Variants in MYPN observed in about 807,000 individuals in gnomAD.
The protein encoded by MYPN is sarcomeric protein myopalladin, 145 kDa (MYOP).
A neutral mutation model predicts 129.4 loss-of-function variants in MYPN; 63 were observed. The observed-to-expected ratio is 0.49, with a 90% confidence interval of 0.40 to 0.60. The LOEUF is 0.60. Ranked by LOEUF, MYPN falls within the 20% of genes least tolerant of loss-of-function variation. The probability of loss-of-function intolerance (pLI) is 0.00; values close to 1 mark genes in which losing one functional copy is unlikely to be tolerated. For synonymous variants in MYPN, 629 were observed against 600.9 expected (o/e 1.05, Z -0.68); for missense variants, 1,596 against 1,635.4 (o/e 0.98, Z 0.42).
intron 1 of MYPN, among the ~76,000 whole-genome samples, chr10:68,089,204 G>C (rs1057368297): frequency 3.3e-5 from 5 of 152,048 alleles, no homozygotes; most frequent in African/African-American, 1.2e-4. Context: ...GCTAATTTTT[G>C]TATTTTTAGT....
At chr10:68,124,102 A>T (rs908844435) in intron 2 of MYPN, among the ~76,000 whole-genome samples, 1 of 152,202 alleles carries the variant, frequency 6.6e-6, no homozygotes, top group African/African-American at 2.4e-5. Context: ...AGGACGCCTC[A>T]CTTGACTAGG....
chr10:68,121,150 T>C (rs2042234844), intron 1 of MYPN, among the ~76,000 whole-genome samples: 1 of 152,134 alleles, frequency 6.6e-6, no homozygotes, highest in African/African-American at 2.4e-5. Context: ...TGGTGGCACA[T>C]GCCTGTAGTC....
At chr10:68,197,276 C>A in intron 15 of MYPN, 76 bp from the exon 16 acceptor site, 1 of 1,566,670 alleles carries the variant, frequency 6.4e-7, no homozygotes, top group South Asian at 1.1e-5. Context: ...GGTCTGTAGC[C>A]ATGCCTAAAT....
At chr10:68,151,502 C>CG (rs1387485515) in intron 6 of MYPN, among the ~76,000 whole-genome samples, 4 of 151,966 alleles carry the variant, frequency 2.6e-5, no homozygotes, top group Non-Finnish European at 5.9e-5. Context: ...GACCTTTATG[C>CG]GGGGGGGTGT....
chr10:68,172,172 G>A (rs2043154302), intron 10 of MYPN, among the ~76,000 whole-genome samples: 2 of 152,114 alleles, frequency 1.3e-5, no homozygotes, highest in South Asian at 4.2e-4. Flanking sequence ...TGGGCAACAT[G>A]ACGAGACCCC....
chr10:68,153,922 G>GT (rs758603536), intron 6 of MYPN, among the ~76,000 whole-genome samples: 11,322 of 144,762 alleles, frequency 0.078, 488 homozygotes, highest in African/African-American at 0.13. Context: ...CAAGAAGCCA[G>GT]TTTTTTTTTT....
At chr10:68,124,494 A>G (rs563124785) in intron 2 of MYPN, among the ~76,000 whole-genome samples, 1 of 152,318 alleles carries the variant, frequency 6.6e-6, no homozygotes, top group South Asian at 2.1e-4. Flanking sequence ...ATATATAGGC[A>G]TATTAATTCA....
chr10:68,145,501 G>C lies in MYPN; in HGVS notation c.1105G>C (p.Asp369His). Residue 369 changes from aspartate to histidine, a missense_variant, in exon 4 of 20, where the codon GAC becomes CAC. Coordinates refer to ENST00000358913, the MANE Select transcript of MYPN (RefSeq NM_032578.4). Reference sequence around the variant, plus strand: ...GGTTTCTTCTTCTGACTCAGAAGGCGACCCTAACAAGGAAGAGATGAATCG... The same window carrying C: ...GGTTTCTTCTTCTGACTCAGAAGGCCACCCTAACAAGGAAGAGATGAATCG... ...EGVSSSDSEG[D>H]PNKEEMNRIQ... The C allele has an allele frequency of 6.2e-7, 1 of 1,613,374 alleles. No individual in the cohort carries two copies. The highest frequency in any genetic ancestry group is 1.1e-5 in the South Asian group (1 of 91,044).
rs111861867 is a variant in MYPN, at chr10:68,149,837, C to T, written c.1246-203C>T. Among the ~76,000 whole-genome samples, 45 of 152,174 alleles carry T rather than the reference C, an allele frequency of 3.0e-4. 1 individual carries two copies. The highest frequency in any genetic ancestry group is 1.0e-3 in the African/African-American group (43 of 41,504). On this transcript the variant is annotated intron_variant, in intron 5 of 19. Coordinates refer to ENST00000358913, the MANE Select transcript of MYPN (RefSeq NM_032578.4). ...AGGGGTGGCGTGGGGATAGGCAGCACATATTTTATAGCCACCATGACCTAG... is the reference window on the plus strand; with the variant it reads ...AGGGGTGGCGTGGGGATAGGCAGCATATATTTTATAGCCACCATGACCTAG...
chr10:68,142,938 A>G lies in MYPN; in HGVS notation c.903-2A>G. 1 of 1,614,098 alleles carries G rather than the reference A, an allele frequency of 6.2e-7. No individual in the cohort carries two copies. The highest frequency in any genetic ancestry group is 1.1e-5 in the South Asian group (1 of 91,088). The stretch of plus-strand genomic sequence containing the variant: ...CCAATGACCATATCCTTTTCCCTGC[A>G]GGTGGTACTGTGAAGGCAAGGAGCT... On this transcript the variant is annotated splice_acceptor_variant, in intron 2 of 19. Transcript: ENST00000358913. LOFTEE classifies it high-confidence loss of function.
chr10:68,127,864 A>T (rs1447334093), intron 2 of MYPN, among the ~76,000 whole-genome samples: 1 of 152,220 alleles, frequency 6.6e-6, no homozygotes, highest in East Asian at 1.9e-4. Flanking sequence ...GTCAATAAGG[A>T]TAGTATCCTT....
chr10:68,123,683 CAATAAATAAATAAATAAATA>C (rs58776013), intron 2 of MYPN, among the ~76,000 whole-genome samples: 8 of 139,626 alleles, frequency 5.7e-5, no homozygotes, highest in African/African-American at 2.1e-4. Context: ...GAGACTCCTT[CAATAAATAAATAAATAAATA>C]AATAAATAAA....
intron 1 of MYPN, among the ~76,000 whole-genome samples, chr10:68,090,552 G>A (rs188215340): frequency 5.3e-5 from 8 of 152,138 alleles, no homozygotes; most frequent in African/African-American, 1.9e-4. Flanking sequence ...TAAAGGCTGG[G>A]GAAAATAGTT....
At position 68,175,141 on chromosome 10, in the gene MYPN, A is replaced by T. The variant is rs11330485; in HGVS notation, c.2565-182A>T. Among the ~76,000 whole-genome samples the T allele has an allele frequency of 0.67, 97,976 of 146,988 alleles. 32,572 individuals carry two copies. The highest frequency in any genetic ancestry group is 0.72 in the Non-Finnish European group (48,343 of 66,734). ...ACAGAGACTCTGTCTCAAAAAAAAA[A>T]TTTTTTAAATTAAAGTATCAAAAAG... On this transcript the variant is annotated intron_variant, in intron 11 of 19. Transcript: ENST00000358913.
chr10:68,111,238 C>T (rs2042076820), intron 1 of MYPN, among the ~76,000 whole-genome samples: 2 of 152,038 alleles, frequency 1.3e-5, no homozygotes, highest in African/African-American at 4.8e-5. Context: ...AAATCAGGTT[C>T]CATTTTGAAA....
chr10:68,189,214 T>C, intron 13 of MYPN, 88 bp downstream of exon 13: 1 of 924,622 alleles, frequency 1.1e-6, no homozygotes, highest in Non-Finnish European at 1.7e-6. Flanking sequence ...ATATACGCAA[T>C]GTTTTTTCTT....
chr10:68,200,836 A>G (rs2043698063), intron 17 of MYPN, among the ~76,000 whole-genome samples: 1 of 152,064 alleles, frequency 6.6e-6, no homozygotes, highest in Admixed American at 6.5e-5. Context: ...TTTCCCCTGT[A>G]TATCTTTTTC....
chr10:68,108,752 C>T (rs1405094468), upstream of MYPN, among the ~76,000 whole-genome samples: 5 of 151,958 alleles, frequency 3.3e-5, no homozygotes, highest in Non-Finnish European at 4.4e-5. Context: ...GACAGAGTTT[C>T]GCTCTGTCCC....
chr10:68,176,493 A>G (rs2043229245), intron 12 of MYPN, among the ~76,000 whole-genome samples: 1 of 152,170 alleles, frequency 6.6e-6, no homozygotes, highest in Non-Finnish European at 1.5e-5. Flanking sequence ...TTCCCAGACC[A>G]TATGCTGTTT....
Sources: allele counts gnomAD v4.1 joint callset (sites outside exome capture counted in the v4.1 genomes callset), GRCh38; gene constraint gnomAD v4.1.1; transcripts MANE v1.5; gene names NCBI Gene and HGNC (gene_info 2026-07-23, HGNC 2026-07-21).